Variants in GPHN observed in about 807,000 individuals in gnomAD.
GPHN encodes gephyrin.
In GPHN, 17 loss-of-function variants were observed where a neutral mutation model predicts 95.5. The observed-to-expected ratio is 0.18, with a 90% CI of 0.12 to 0.27. The LOEUF is 0.27. Among genes scored for constraint, GPHN ranks in the 10% least tolerant of loss-of-function variants. GPHN has a pLI of 1.00. For synonymous variants in GPHN, 320 were observed against 322.5 expected (o/e 0.99, Z 0.08); for missense variants, 660 against 978.1 (o/e 0.67, Z 4.34).
At chr14:67,284,440 A>C in the GPHN span, among the ~76,000 whole-genome samples, 5 of 147,918 alleles carry the variant, frequency 3.4e-5, no homozygotes, top group South Asian at 2.1e-4. Context: ...AAAAAAAAAA[A>C]AAAACAGCTG....
chr14:67,045,761 CTCTT>C (rs2074986672), intron 10 of GPHN, among the ~76,000 whole-genome samples: 1 of 151,724 alleles, frequency 6.6e-6, no homozygotes, highest in Admixed American at 6.6e-5. Flanking sequence ...GTCTCTGTCT[CTCTT>C]TCTCTGTCAC....
At chr14:66,704,760 A>C (rs1175833209) in intron 2 of GPHN, among the ~76,000 whole-genome samples, 4 of 152,150 alleles carry the variant, frequency 2.6e-5, no homozygotes, top group Admixed American at 2.6e-4. Flanking sequence ...AGAGCTAGAG[A>C]CGCAAGAGCA....
At chr14:66,782,539 G>T (rs2059640877) in intron 3 of GPHN, among the ~76,000 whole-genome samples, 1 of 152,070 alleles carries the variant, frequency 6.6e-6, no homozygotes, top group South Asian at 2.1e-4. Flanking sequence ...AAGATTCTGG[G>T]CCAGGTGCGG....
intron 5 of GPHN, among the ~76,000 whole-genome samples, chr14:66,880,991 T>G (rs992905243): frequency 2.0e-5 from 3 of 152,002 alleles, no homozygotes; most frequent in Non-Finnish European, 2.9e-5. Context: ...TTTCAGGGTT[T>G]CATAATTTAT....
At chr14:67,727,023 T>C in the GPHN span, 7 of 1,613,444 alleles carry the variant, frequency 4.3e-6, no homozygotes, top group Admixed American at 8.3e-5. Context: ...CGGCTAAAGG[T>C]GTCTGCCCCT....
chr14:66,681,215 AAATT>A (rs2066915122), intron 2 of GPHN, 30 bp downstream of exon 2: 1 of 1,267,506 alleles, frequency 7.9e-7, no homozygotes, highest in African/African-American at 1.5e-5. Flanking sequence ...TATTAAGTAT[AAATT>A]AAAACTTTAT....
intron 3 of GPHN, among the ~76,000 whole-genome samples, chr14:66,805,193 C>T (rs930321058): frequency 6.6e-6 from 1 of 152,086 alleles, no homozygotes. Flanking sequence ...AAAGAGGGAG[C>T]TTATGCAGGG....
chr14:67,193,708 C>T, the GPHN span, among the ~76,000 whole-genome samples: 114 of 142,758 alleles, frequency 8.0e-4, no homozygotes, highest in African/African-American at 2.9e-3. Context: ...TTTGGGAGGC[C>T]AAAACAGGTG....
the GPHN span, among the ~76,000 whole-genome samples, chr14:67,710,435 G>A: frequency 6.6e-6 from 1 of 152,046 alleles, no homozygotes; most frequent in African/African-American, 2.4e-5. Flanking sequence ...TCCGCTTATT[G>A]TGACTTACAT....
At chr14:67,336,888 AG>A in the GPHN span, 5 of 405,622 alleles carry the variant, frequency 1.2e-5, no homozygotes, top group East Asian at 3.6e-4. Flanking sequence ...CAGCTTCTCC[AG>A]AACAGTCCCA....
At chr14:67,100,627 C>T (rs2077648342) in intron 12 of GPHN, among the ~76,000 whole-genome samples, 1 of 152,164 alleles carries the variant, frequency 6.6e-6, no homozygotes, top group Non-Finnish European at 1.5e-5. Context: ...CAATTAGGCA[C>T]CAGTGGTACA....
the GPHN span, among the ~76,000 whole-genome samples, chr14:67,264,559 G>A: frequency 6.6e-6 from 1 of 152,148 alleles, no homozygotes; most frequent in Admixed American, 6.6e-5. Context: ...ACCGTAAATG[G>A]TATGAGTAAA....
chr14:67,422,686 G>C, the GPHN span, among the ~76,000 whole-genome samples: 1 of 152,180 alleles, frequency 6.6e-6, no homozygotes, highest in Non-Finnish European at 1.5e-5. Context: ...CAGTTAGAAT[G>C]CTTCGGGCTG....
the GPHN span, chr14:67,620,168 G>A: frequency 1.9e-6 from 2 of 1,050,026 alleles, no homozygotes; most frequent in South Asian, 3.1e-5. Flanking sequence ...GGGTGCGGGG[G>A]ACCGGGAGGC....
intron 1 of GPHN, among the ~76,000 whole-genome samples, chr14:66,527,248 T>A (rs2058727320): frequency 6.6e-6 from 1 of 152,200 alleles, no homozygotes; most frequent in African/African-American, 2.4e-5. Flanking sequence ...GATTTTCTAG[T>A]TTATTTGCAT....
chr14:67,396,097 A>G, the GPHN span, among the ~76,000 whole-genome samples: 3 of 152,022 alleles, frequency 2.0e-5, no homozygotes, highest in Admixed American at 2.0e-4. Context: ...CTCATAGGAT[A>G]TAGTTTCAGC....
chr14:67,695,580 C>T, the GPHN span: 1 of 1,558,256 alleles, frequency 6.4e-7, no homozygotes, highest in African/African-American at 1.4e-5. Context: ...ATGTTTCCCT[C>T]CCGCCCCGCA....
chr14:67,111,909 C>G lies in GPHN; in HGVS notation c.1462C>G (p.Gln488Glu). 1 of 1,611,696 alleles carries G rather than the reference C, an allele frequency of 6.2e-7. No homozygotes were observed. The highest frequency in any genetic ancestry group is 2.2e-5 in the East Asian group (1 of 44,864). The change falls in exon 15 of 23, where the codon CAA becomes GAA. Residue 488 changes from glutamine (Q) to glutamate (E), a missense_variant. Coordinates refer to ENST00000478722, the MANE Select transcript of GPHN (RefSeq NM_020806.5). ...AATTCTGGTGCAAGCTCGGCCAGGCCAAGATATCAGGTAACTTCAAAACAC... is the reference window on the plus strand; with the variant it reads ...AATTCTGGTGCAAGCTCGGCCAGGCGAAGATATCAGGTAACTTCAAAACAC... Reference protein sequence around the residue: ...VRILVQARPGQDIRPIGHDIK... With the variant: ...VRILVQARPGEDIRPIGHDIK...
At chr14:66,879,239 G>A (rs1596255493) in intron 4 of GPHN, among the ~76,000 whole-genome samples, 2 of 152,054 alleles carry the variant, frequency 1.3e-5, no homozygotes, top group African/African-American at 4.8e-5. Context: ...GATGGCATTA[G>A]GAGAAATACC....
Sources: allele counts gnomAD v4.1 joint callset (sites outside exome capture counted in the v4.1 genomes callset), GRCh38; gene constraint gnomAD v4.1.1; transcripts MANE v1.5; gene names NCBI Gene and HGNC (gene_info 2026-07-23, HGNC 2026-07-21).